GRIA4: variants seen among roughly 807,000 people sequenced by gnomAD.
The protein encoded by GRIA4 is glutamate ionotropic receptor AMPA type subunit 4, also known as glutamate receptor 4.
A neutral mutation model predicts 104.0 loss-of-function variants in GRIA4; 34 were observed. The ratio of observed to expected loss-of-function variants is 0.33; its 90% confidence interval spans 0.25 to 0.44. GRIA4 has a LOEUF of 0.44. Ranked by LOEUF, GRIA4 falls within the 20% of genes least tolerant of loss-of-function variation. The probability of loss-of-function intolerance (pLI) is 1.00; values close to 1 mark genes in which losing one functional copy is unlikely to be tolerated. For synonymous variants in GRIA4, 386 were observed against 381.9 expected, an observed-to-expected ratio of 1.01 and a Z score of -0.13; for missense variants, 750 against 1,096.5, an observed-to-expected ratio of 0.68 and a Z score of 4.46.
At chr11:105,884,439 TAAAC>T (rs779013568) in intron 5 of GRIA4, among the ~76,000 whole-genome samples, 6 of 152,220 alleles carry the variant, frequency 3.9e-5, no homozygotes, top group South Asian at 2.1e-4. Flanking sequence ...CATTTAAAAA[TAAAC>T]AACACCCTAT....
intron 11 of GRIA4, among the ~76,000 whole-genome samples, chr11:105,922,551 A>G (rs544703898): frequency 6.6e-6 from 1 of 152,288 alleles, no homozygotes; most frequent in South Asian, 2.1e-4. Flanking sequence ...ATATCCCTCA[A>G]ACTTAATAAA....
chr11:105,618,266 T>C (rs1451167549), intron 3 of GRIA4, among the ~76,000 whole-genome samples: 1 of 152,006 alleles, frequency 6.6e-6, no homozygotes, highest in Non-Finnish European at 1.5e-5. Context: ...ATAATGACAT[T>C]AGCAAACTTA....
At chr11:105,721,501 G>A (rs1937816836) in intron 3 of GRIA4, among the ~76,000 whole-genome samples, 1 of 152,050 alleles carries the variant, frequency 6.6e-6, no homozygotes, top group African/African-American at 2.4e-5. Context: ...TCTGAGCCTG[G>A]ACTCAAACAA....
intron 3 of GRIA4, among the ~76,000 whole-genome samples, chr11:105,668,725 C>T (rs976900787): frequency 7.1e-6 from 1 of 141,446 alleles, no homozygotes; most frequent in Admixed American, 7.4e-5. Context: ...CCCAGGCTGG[C>T]GTGCAGTGGG....
chr11:105,612,406 A>G lies in GRIA4; in HGVS notation c.219A>G (p.Thr73=). 1 of 1,614,156 alleles carries G rather than the reference A, an allele frequency of 6.2e-7. No homozygotes were observed. The highest frequency in any genetic ancestry group is 1.3e-5 in the African/African-American group (1 of 75,070). Residue 73 remains threonine (T), a synonymous_variant, in exon 3 of 17, where the codon ACA becomes ACG. Coordinates refer to ENST00000282499, the MANE Select transcript of GRIA4 (RefSeq NM_000829.4). ...NLVPHVDNIE[T]ANSFAVTNAF... is the part of the protein sequence containing the mutation. ...TACCTCATGTGGACAACATTGAGAC[A>G]GCCAACAGTTTTGCTGTAACAAACG...
At chr11:105,831,797 T>C (rs1943986789) in intron 4 of GRIA4, among the ~76,000 whole-genome samples, 1 of 152,006 alleles carries the variant, frequency 6.6e-6, no homozygotes, top group Admixed American at 6.6e-5. Flanking sequence ...GCTCTGCAGG[T>C]TATGCTCCGC....
At chr11:105,791,574 G>C (rs1201379369) in intron 4 of GRIA4, among the ~76,000 whole-genome samples, 1 of 151,990 alleles carries the variant, frequency 6.6e-6, no homozygotes, top group African/African-American at 2.4e-5. Context: ...ATGTGCCATG[G>C]AGTGCCAAGT....
chr11:105,742,050 A>T (rs565493735), intron 3 of GRIA4, among the ~76,000 whole-genome samples: 12 of 152,138 alleles, frequency 7.9e-5, no homozygotes, highest in Non-Finnish European at 1.6e-4. Context: ...TTCATTCAGT[A>T]GGGTTTTATG....
At position 105,933,813 on chromosome 11, in the gene GRIA4, C is replaced by T; in HGVS notation, c.2138C>T (p.Ala713Val). The change falls in exon 14 of 17, where the codon GCT becomes GTT. Residue 713 changes from alanine (A) to valine (V), a missense_variant. Ala to Val is a moderately conservative substitution (Grantham distance 64). Coordinates refer to ENST00000282499, the MANE Select transcript of GRIA4 (RefSeq NM_000829.4). ...VFTRTTAEGV[A>V]RVRKSKGKFA... ...ACTAGGACTACAGCTGAGGGAGTAG[C>T]TCGTGTCCGCAAATCCAAGGGCAAA... 1.2e-6 allele frequency: 2 copies of T among 1,613,380 alleles called. No individual in the cohort carries two copies. Among genetic ancestry groups the T allele is most frequent in the Non-Finnish European group, 1.7e-6 (2 of 1,179,540 alleles).
intron 5 of GRIA4, among the ~76,000 whole-genome samples, chr11:105,883,570 TC>T (rs983572251): frequency 1.3e-5 from 2 of 152,140 alleles, no homozygotes; most frequent in Non-Finnish European, 2.9e-5. Flanking sequence ...AATGATGGTT[TC>T]CAGCTTCATC....
chr11:105,624,659 G>A (rs1950840328), intron 3 of GRIA4, among the ~76,000 whole-genome samples: 1 of 151,924 alleles, frequency 6.6e-6, no homozygotes, highest in African/African-American at 2.4e-5. Flanking sequence ...AGTTTGAAAG[G>A]GAATTCATCA....
chr11:105,625,375 GA>G (rs1950861063), intron 3 of GRIA4, among the ~76,000 whole-genome samples: 1 of 152,032 alleles, frequency 6.6e-6, no homozygotes, highest in Non-Finnish European at 1.5e-5. Context: ...AGCCAGAATT[GA>G]ATAACACAAA....
intron 6 of GRIA4, among the ~76,000 whole-genome samples, chr11:105,892,289 C>T (rs1200386092): frequency 2.0e-5 from 3 of 152,038 alleles, no homozygotes; most frequent in African/African-American, 2.4e-5. Context: ...TGACATTTGT[C>T]CCATTACCAA....
chr11:105,741,108 T>C (rs1421964015), intron 3 of GRIA4, among the ~76,000 whole-genome samples: 1 of 152,124 alleles, frequency 6.6e-6, no homozygotes, highest in Non-Finnish European at 1.5e-5. Flanking sequence ...GATTTAGACA[T>C]AGTTTAGATA....
chr11:105,977,596 CA>C (rs1218938691), intron 16 of GRIA4, among the ~76,000 whole-genome samples: 1 of 151,946 alleles, frequency 6.6e-6, no homozygotes, highest in African/African-American at 2.4e-5. Flanking sequence ...TTCTGACCCC[CA>C]AAATGTCCAT....
chr11:105,731,728 G>A (rs528120030), intron 3 of GRIA4, among the ~76,000 whole-genome samples: 3 of 152,126 alleles, frequency 2.0e-5, no homozygotes, highest in Non-Finnish European at 4.4e-5. Flanking sequence ...TACTTTGCAG[G>A]GACATGGATG....
At chr11:105,644,854 T>A (rs1425071570) in intron 3 of GRIA4, among the ~76,000 whole-genome samples, 2 of 152,160 alleles carry the variant, frequency 1.3e-5, no homozygotes, top group Admixed American at 6.6e-5. Flanking sequence ...TAAATAGTAA[T>A]CTTTAATATA....
At chr11:105,912,096 T>C in intron 10 of GRIA4, 2 of 1,107,478 alleles carry the variant, frequency 1.8e-6, no homozygotes, top group East Asian at 9.5e-5. Flanking sequence ...AAAGAAGAAT[T>C]AATCTTCATC....
chr11:105,767,633 A>G (rs1301726067), intron 4 of GRIA4, among the ~76,000 whole-genome samples: 1 of 152,174 alleles, frequency 6.6e-6, no homozygotes, highest in African/African-American at 2.4e-5. Flanking sequence ...TTCTTCAAGA[A>G]TTTATAATCT....
Sources: gnomAD v4.1 joint callset for allele counts (sites outside exome capture counted in the v4.1 genomes callset) on GRCh38, gnomAD v4.1.1 for gene constraint, MANE v1.5 for transcripts, NCBI Gene and HGNC (gene_info 2026-07-23, HGNC 2026-07-21) for gene names.